The following GRAMD1B variants were observed in gnomAD, a reference collection of about 807,000 sequenced individuals.
The protein encoded by GRAMD1B is protein Aster-B.
In GRAMD1B, 37 loss-of-function variants were observed where a neutral mutation model predicts 99.7. The observed-to-expected ratio is 0.37, with a 90% CI of 0.29 to 0.49. The LOEUF (loss-of-function observed/expected upper bound fraction) is 0.49. Ranked by LOEUF, GRAMD1B falls within the 20% of genes least tolerant of loss-of-function variation. The pLI is 0.98. For missense variants in GRAMD1B, 888 were observed against 1,009.2 expected (o/e 0.88, Z 1.63); for synonymous variants, 427 against 387.6 (o/e 1.10, Z -1.19).
chr11:123,553,400 C>A (rs1945820397), intron 2 of GRAMD1B, among the ~76,000 whole-genome samples: 1 of 152,144 alleles, frequency 6.6e-6, no homozygotes, highest in Non-Finnish European at 1.5e-5. Context: ...TGCTGGGCTG[C>A]ATTTTGTCCC....
At chr11:123,531,677 C>T (rs1261352593) in intron 2 of GRAMD1B, among the ~76,000 whole-genome samples, 2 of 151,520 alleles carry the variant, frequency 1.3e-5, no homozygotes, top group African/African-American at 2.4e-5. Context: ...ACATTTGTCC[C>T]CTAAATGAGT....
chr11:123,594,708 G>A, intron 5 of GRAMD1B, 27 bp from the exon 6 acceptor site: 1 of 1,211,668 alleles, frequency 8.3e-7, no homozygotes, highest in Non-Finnish European at 1.2e-6. Flanking sequence ...CTGCCTCTGA[G>A]CTCCCCTACC....
chr11:123,429,344 C>T (rs938747555), upstream of GRAMD1B, among the ~76,000 whole-genome samples: 6 of 151,972 alleles, frequency 3.9e-5, no homozygotes, highest in African/African-American at 9.7e-5. This position sits in a 1 kb window ranked among gnomAD's most constrained non-coding sequence, Gnocchi z 4.0. Context: ...TAGGATGGAT[C>T]GGTTCTAGGG....
rs1312929855 is a variant in GRAMD1B at position 123,506,197 on chromosome 11, G to A, written c.452+25304G>A. On this transcript the variant is annotated intron_variant, in intron 2 of 19. Coordinates refer to ENST00000635736, the MANE Select transcript of GRAMD1B (RefSeq NM_001387025.1). ...AGCGGGGGAGGTTGATGTGACCAGG[G>A]TTTGAAACAGCCTCACTCAGTTTCC... Among the ~76,000 whole-genome samples, 91 of 152,170 alleles carry A rather than the reference G, an allele frequency of 6.0e-4. 1 individual carries two copies. Among genetic ancestry groups the A allele is most frequent in the Admixed American group, 5.9e-3 (90 of 15,276 alleles).
chr11:123,608,273 G>A lies in GRAMD1B; in HGVS notation c.1514-386G>A, dbSNP rs890731983. On this transcript the variant is annotated intron_variant, in intron 11 of 19. Transcript: ENST00000635736. The stretch of plus-strand genomic sequence containing the variant: ...TACAACTACAATTTGTTGTCGATTA[G>A]AGTTAACTTACAGACTCTCAAAACC... 6 of 560,616 alleles carry A rather than the reference G, an allele frequency of 1.1e-5. No individual in the cohort carries two copies. In the East Asian group the frequency reaches 1.5e-4, roughly 14 times the overall value. 34.7% of individuals were successfully genotyped at this position (560,616 alleles called of 1,614,324 possible).
At chr11:123,430,260 C>CTCTCT (rs1948806710), upstream of GRAMD1B, 1 of 143,488 alleles carries the variant, frequency 7.0e-6, no homozygotes, top group African/African-American at 2.6e-5. Context: ...TGTCTCGCTT[C>CTCTCT]CTCTCTCTCT....
At chr11:123,566,933 A>C (rs1592040745) in intron 2 of GRAMD1B, among the ~76,000 whole-genome samples, 1 of 152,132 alleles carries the variant, frequency 6.6e-6, no homozygotes, top group East Asian at 1.9e-4. Context: ...GCAAGGAAAA[A>C]ACAACAACAA....
In GRAMD1B at chr11:123,546,001, C is replaced by T. The variant is rs527953439; in HGVS notation, c.453-31366C>T. Among the ~76,000 whole-genome samples the T allele has an allele frequency of 2.0e-5, 3 of 152,358 alleles. No individual in the cohort carries two copies. The South Asian group carries it at 6.2e-4, about 32-fold the overall frequency. On this transcript the variant is annotated intron_variant, in intron 2 of 19. Transcript: ENST00000635736. ...GAGAAAAATCCCTTCCTGGTTTCCA[C>T]CACCAGGCAATGTGGACAGCATCGG...
intron 2 of GRAMD1B, among the ~76,000 whole-genome samples, chr11:123,494,163 A>T (rs1938934717): frequency 6.6e-6 from 1 of 152,160 alleles, no homozygotes; most frequent in Admixed American, 6.5e-5. Context: ...CTACTTACTA[A>T]ATGAGTAAAT....
At chr11:123,366,199 C>CTAGGTAAAAAGGTAAA (rs1215121891) in intron 1 of GRAMD1B, among the ~76,000 whole-genome samples, 1 of 152,180 alleles carries the variant, frequency 6.6e-6, no homozygotes, top group Non-Finnish European at 1.5e-5. Context: ...AGTGCATACC[C>CTAGGTAAAAAGGTAAA]AGGTAAAAAG....
chr11:123,618,665 T>A, intron 17 of GRAMD1B, 28 bp from the exon 18 acceptor site: 1 of 1,242,768 alleles, frequency 8.0e-7, no homozygotes. Context: ...TCACTGCTGA[T>A]GTTTTTTTCC....
In GRAMD1B at chr11:123,623,388, G is replaced by T. The variant is rs559676820; in HGVS notation, c.*793G>T. On this transcript the variant is annotated 3_prime_UTR_variant, in exon 20 of 20. Coordinates refer to ENST00000635736, the MANE Select transcript of GRAMD1B (RefSeq NM_001387025.1). ...GAAGTGTCACTTTTTAGTGCCTAAA[G>T]TCCTATTGTTTCTCTGTGCCCTAAG... 1 of 152,334 alleles carries T rather than the reference G, an allele frequency of 6.6e-6. No individual in the cohort carries two copies. Among genetic ancestry groups the T allele is most frequent in the African/African-American group, 2.4e-5 (1 of 41,570 alleles). 9.4% of individuals were successfully genotyped at this position (152,334 alleles called of 1,614,324 possible). A position where few individuals can be genotyped will look rare whatever the true frequency, so the allele number is the denominator to read the frequency against.
chr11:123,483,951 A>C (rs562093928), intron 2 of GRAMD1B, among the ~76,000 whole-genome samples: 4 of 152,304 alleles, frequency 2.6e-5, no homozygotes, highest in East Asian at 3.9e-4. Flanking sequence ...ATATGGAGAC[A>C]TGGCACTTCC....
At chr11:123,528,505 T>C (rs1475645778) in intron 2 of GRAMD1B, among the ~76,000 whole-genome samples, 2 of 152,092 alleles carry the variant, frequency 1.3e-5, no homozygotes, top group Non-Finnish European at 2.9e-5. Context: ...AGAATCCCCA[T>C]TTTATCCCCA....
In GRAMD1B at chr11:123,625,411, A is replaced by G. The variant is rs1177074665; in HGVS notation, c.*2816A>G. The G allele has an allele frequency of 1.3e-5, 2 of 152,260 alleles. No homozygotes were observed. Among genetic ancestry groups the G allele is most frequent in the Non-Finnish European group, 2.9e-5 (2 of 68,052 alleles). The allele number at this position is 152,260 out of a possible 1,614,324, so 9.4% of individuals were successfully genotyped here. ...GTTTCTAACAAGGTGAAGAACAGCTATAGGATCTAAAGTTCCATTACAGCT... is the reference window on the plus strand; with the variant it reads ...GTTTCTAACAAGGTGAAGAACAGCTGTAGGATCTAAAGTTCCATTACAGCT... On this transcript the variant is annotated 3_prime_UTR_variant, in exon 20 of 20. Transcript: ENST00000635736.
chr11:123,619,397 G>A, intron 19 of GRAMD1B, 173 bp downstream of exon 19: 1 of 1,478,394 alleles, frequency 6.8e-7, no homozygotes. Flanking sequence ...TGAGTGGGCT[G>A]CTAGAAATGC....
At chr11:123,426,734 G>A (rs1417778715), upstream of GRAMD1B, among the ~76,000 whole-genome samples, 1 of 152,204 alleles carries the variant, frequency 6.6e-6, no homozygotes, top group Non-Finnish European at 1.5e-5. Context: ...CCTGGAGCAG[G>A]TGCAATAAGG....
intron 2 of GRAMD1B, among the ~76,000 whole-genome samples, chr11:123,495,783 C>T (rs1025948707): frequency 6.6e-6 from 1 of 151,632 alleles, no homozygotes; most frequent in East Asian, 1.9e-4. Context: ...TCTTATAACC[C>T]ATTATTTTAA....
In GRAMD1B at chr11:123,574,374, G is replaced by A. The variant is rs1026702483; in HGVS notation, c.453-2993G>A. ...TAGAACACAGTAAGATGTTGGGCTT[G>A]TATTTAGAAAGATTAATGACACAGC... is the stretch of plus-strand genomic sequence containing the variant. On this transcript the variant is annotated intron_variant, in intron 2 of 19. Transcript: ENST00000635736. 7.9e-5 allele frequency among the ~76,000 whole-genome samples: 12 copies of A among 152,194 alleles called. 1 individual carries two copies. The highest frequency in any genetic ancestry group is 1.8e-4 in the Non-Finnish European group (12 of 68,042).
Sources: allele counts gnomAD v4.1 joint callset (sites outside exome capture counted in the v4.1 genomes callset), GRCh38; gene constraint gnomAD v4.1.1; non-coding constraint Gnocchi (gnomAD v3.1); transcripts MANE v1.5; gene names NCBI Gene and HGNC (gene_info 2026-07-23, HGNC 2026-07-21).